GSTCD: variants seen among roughly 807,000 people sequenced by gnomAD.
The protein encoded by GSTCD is glutathione S-transferase C-terminal domain-containing protein.
GSTCD carries 44 observed loss-of-function variants against 68.3 expected under a neutral mutation model. The observed-to-expected ratio is 0.64, with a 90% CI of 0.51 to 0.83. The LOEUF (loss-of-function observed/expected upper bound fraction) is 0.83. Among genes scored for constraint, GSTCD ranks in the 40% least tolerant of loss-of-function variants. The pLI is 0.00. For synonymous variants in GSTCD, 273 were observed against 255.2 expected (o/e 1.07, Z -0.67); for missense variants, 739 against 735.9 (o/e 1.00, Z -0.05).
intron 1 of GSTCD, chr4:105,712,506 T>G (rs1214308147): frequency 6.6e-6 from 1 of 152,246 alleles, no homozygotes; most frequent in African/African-American, 2.4e-5. Flanking sequence ...GATTTTATTT[T>G]GAGTGTGCTG....
chr4:105,830,489 G>C (rs1310783373), intron 8 of GSTCD, among the ~76,000 whole-genome samples: 2 of 152,002 alleles, frequency 1.3e-5, no homozygotes, highest in African/African-American at 4.8e-5. Context: ...CAAGCTACTA[G>C]ATAATGTGCT....
At chr4:105,769,233 GCACACACACACACACACACA>G (rs57039503) in intron 5 of GSTCD, among the ~76,000 whole-genome samples, 2 of 146,228 alleles carry the variant, frequency 1.4e-5, no homozygotes, top group East Asian at 2.0e-4. Context: ...ATACACGCGC[GCACACACACACACACACACA>G]CACACACACA....
At chr4:105,798,394 G>A (rs541610080) in intron 5 of GSTCD, among the ~76,000 whole-genome samples, 2 of 151,608 alleles carry the variant, frequency 1.3e-5, no homozygotes, top group South Asian at 2.1e-4. Context: ...TGTTCTGAAC[G>A]GCATCTAGAT....
intron 5 of GSTCD, among the ~76,000 whole-genome samples, chr4:105,757,194 CA>C (rs988288264): frequency 6.6e-6 from 1 of 152,072 alleles, no homozygotes; most frequent in Non-Finnish European, 1.5e-5. Flanking sequence ...TTATCTTAGA[CA>C]GGGGGAAGAA....
chr4:105,835,457 G>A lies in GSTCD; in HGVS notation c.1664+863G>A, dbSNP rs115818851. On this transcript the variant is annotated intron_variant, in intron 9 of 11. Coordinates refer to ENST00000515279, the MANE Select transcript of GSTCD (RefSeq NM_001370181.1). ...ACCAGCTTGGGTGCTGGCTCCCTGC[G>A]AGGCTGCAGCTGGACCAGGTGTACT... Among the ~76,000 whole-genome samples the A allele has an allele frequency of 8.0e-3, 1,223 of 152,240 alleles. 20 individuals are homozygous for A. Among genetic ancestry groups the A allele is most frequent in the African/African-American group, 0.028 (1,153 of 41,564 alleles).
chr4:105,726,087 T>C (rs947685522), intron 3 of GSTCD, among the ~76,000 whole-genome samples: 1 of 152,152 alleles, frequency 6.6e-6, no homozygotes, highest in African/African-American at 2.4e-5. Flanking sequence ...TTATAATGTA[T>C]AGCAACATTA....
intron 5 of GSTCD, among the ~76,000 whole-genome samples, chr4:105,756,064 A>G (rs1487191103): frequency 6.6e-6 from 1 of 152,188 alleles, no homozygotes; most frequent in African/African-American, 2.4e-5. Context: ...TTTATTAATA[A>G]AAGATGTAAT....
chr4:105,776,618 C>T (rs567832217), intron 5 of GSTCD, among the ~76,000 whole-genome samples: 4 of 152,260 alleles, frequency 2.6e-5, no homozygotes, highest in Admixed American at 6.5e-5. Flanking sequence ...TGCACTTCAT[C>T]GGTGAGGCAA....
chr4:105,785,177 A>C (rs1735418480), intron 5 of GSTCD, among the ~76,000 whole-genome samples: 1 of 152,168 alleles, frequency 6.6e-6, no homozygotes, highest in African/African-American at 2.4e-5. Context: ...AACCTGAGAA[A>C]TTTGCTCATT....
intron 1 of GSTCD, among the ~76,000 whole-genome samples, chr4:105,711,229 G>A (rs1732525581): frequency 6.6e-6 from 1 of 151,978 alleles, no homozygotes; most frequent in Non-Finnish European, 1.5e-5. Flanking sequence ...AGAGAATTTA[G>A]GCAGGTTTAA....
chr4:105,720,909 T>A (rs1444513489), intron 3 of GSTCD, among the ~76,000 whole-genome samples: 2 of 152,180 alleles, frequency 1.3e-5, no homozygotes, highest in Non-Finnish European at 2.9e-5. Flanking sequence ...TTATTAAAAT[T>A]ATTTGAATAC....
At chr4:105,790,473 G>A (rs1735621736) in intron 5 of GSTCD, among the ~76,000 whole-genome samples, 1 of 151,996 alleles carries the variant, frequency 6.6e-6, no homozygotes, top group Admixed American at 6.5e-5. Context: ...ATTTTTGTCT[G>A]TAAAAAAATT....
chr4:105,720,248 T>A (rs1266308387), intron 3 of GSTCD, among the ~76,000 whole-genome samples: 1 of 151,928 alleles, frequency 6.6e-6, no homozygotes, highest in Non-Finnish European at 1.5e-5. Context: ...AAGAACAGGG[T>A]GAAAATAATA....
chr4:105,759,345 C>T (rs917701381), intron 5 of GSTCD, among the ~76,000 whole-genome samples: 1 of 151,666 alleles, frequency 6.6e-6, no homozygotes, highest in Admixed American at 6.6e-5. Context: ...GAATAACCTA[C>T]ATCTAGGAGG....
At chr4:105,841,721 T>C (rs1053865921) in intron 10 of GSTCD, among the ~76,000 whole-genome samples, 7 of 151,942 alleles carry the variant, frequency 4.6e-5, no homozygotes, top group Non-Finnish European at 8.8e-5. Flanking sequence ...TGTGGTGGCA[T>C]GTGCCTGTAG....
Position 105,729,516 on chromosome 4 carries a change from CT to C in GSTCD, c.1240+20del. 1 of 1,553,856 alleles carries C rather than the reference CT, an allele frequency of 6.4e-7. No homozygotes were observed. Among genetic ancestry groups the C allele is most frequent in the Non-Finnish European group, 8.9e-7 (1 of 1,128,942 alleles). ...CAAAGGAAGGTGAGTTTTCTTTTTT[CT>C]TTAAGTTTTATTCATACTTTGGATA... On this transcript the variant is annotated intron_variant, in intron 5 of 11. Transcript: ENST00000515279.
chr4:105,763,417 T>C (rs1468283321), intron 5 of GSTCD, among the ~76,000 whole-genome samples: 1 of 152,168 alleles, frequency 6.6e-6, no homozygotes, highest in Non-Finnish European at 1.5e-5. Flanking sequence ...AACAACCCAA[T>C]GATATATGAA....
At chr4:105,772,262 T>C (rs1048130187) in intron 5 of GSTCD, among the ~76,000 whole-genome samples, 1 of 152,216 alleles carries the variant, frequency 6.6e-6, no homozygotes, top group Non-Finnish European at 1.5e-5. Flanking sequence ...GTTTTGGGGC[T>C]AAGACAATGG....
intron 5 of GSTCD, among the ~76,000 whole-genome samples, chr4:105,734,439 A>G (rs1019730602): frequency 1.3e-5 from 2 of 151,986 alleles, no homozygotes; most frequent in African/African-American, 4.8e-5. Context: ...CATTCATTTG[A>G]TCTTCAGTCA....
Sources: allele counts gnomAD v4.1 joint callset (sites outside exome capture counted in the v4.1 genomes callset), GRCh38; gene constraint gnomAD v4.1.1; transcripts MANE v1.5; gene names NCBI Gene and HGNC (gene_info 2026-07-23, HGNC 2026-07-21).